The following CCDC91 variants were observed in gnomAD, a reference collection of about 807,000 sequenced individuals.
CCDC91 encodes the protein coiled-coil domain-containing protein 91.
A neutral mutation model predicts 63.2 loss-of-function variants in CCDC91; 48 were observed. That is an observed-to-expected ratio of 0.76 (90% CI 0.60 to 0.97). The LOEUF (loss-of-function observed/expected upper bound fraction) is 0.97. Among genes scored for constraint, CCDC91 ranks in the 50% least tolerant of loss-of-function variants. The pLI, the probability that CCDC91 is intolerant of heterozygous loss-of-function variation, is 0.00. For synonymous variants in CCDC91, 167 were observed against 165.8 expected, an observed-to-expected ratio of 1.01 and a Z score of -0.06; for missense variants, 500 against 494.6, an observed-to-expected ratio of 1.01 and a Z score of -0.10.
chr12:28,491,040 A>G lies in CCDC91; in HGVS notation c.1215+6875A>G, dbSNP rs566139993. 2.0e-5 allele frequency among the ~76,000 whole-genome samples: 3 copies of G among 151,960 alleles called. No homozygotes were observed. In the South Asian group the frequency reaches 6.2e-4, roughly 31 times the overall value. On this transcript the variant is annotated intron_variant, in intron 12 of 12. Coordinates refer to ENST00000536442, the MANE Select transcript of CCDC91 (RefSeq NM_018318.5). ...ACGTTTTAACTTAAAATCAAAATGT[A>G]AATTTATGTATGTACACATAAAAAC... is the stretch of plus-strand genomic sequence containing the variant.
chr12:28,521,366 C>G (rs1302550146), intron 12 of CCDC91, among the ~76,000 whole-genome samples: 1 of 152,008 alleles, frequency 6.6e-6, no homozygotes, highest in African/African-American at 2.4e-5. Flanking sequence ...TGATTTGGCT[C>G]TCTGTTTGTC....
chr12:28,267,487 A>C (rs1947266742), intron 3 of CCDC91, among the ~76,000 whole-genome samples: 1 of 150,454 alleles, frequency 6.6e-6, no homozygotes, highest in Non-Finnish European at 1.5e-5. Flanking sequence ...AGCTATTTTA[A>C]TTAGGATGAT....
chr12:28,271,165 A>G (rs182544669), intron 3 of CCDC91, among the ~76,000 whole-genome samples: 4 of 152,256 alleles, frequency 2.6e-5, no homozygotes, highest in Admixed American at 2.0e-4. Context: ...GCAAACGCCT[A>G]TGATGTTAAG....
At chr12:28,516,650 G>A (rs1939982183) in intron 12 of CCDC91, among the ~76,000 whole-genome samples, 1 of 151,836 alleles carries the variant, frequency 6.6e-6, no homozygotes, top group Non-Finnish European at 1.5e-5. Flanking sequence ...CAGTCTCACA[G>A]TTCTATTGGT....
intron 12 of CCDC91, among the ~76,000 whole-genome samples, chr12:28,506,861 A>T (rs557096814): frequency 3.5e-5 from 5 of 141,908 alleles, no homozygotes; most frequent in African/African-American, 1.3e-4. Context: ...CTTCAGGGGT[A>T]AAAAAAAAAA....
chr12:28,483,537 G>T (rs1343529595), intron 11 of CCDC91, among the ~76,000 whole-genome samples: 1 of 151,964 alleles, frequency 6.6e-6, no homozygotes, highest in Non-Finnish European at 1.5e-5. Flanking sequence ...TAGCACACTG[G>T]GTGGAATTTT....
chr12:28,504,106 T>G (rs1221800299), intron 12 of CCDC91, among the ~76,000 whole-genome samples: 1 of 146,374 alleles, frequency 6.8e-6, no homozygotes, highest in Non-Finnish European at 1.6e-5. Context: ...TAAATTAATT[T>G]AAAAAAGACT....
rs752030088 is a variant in CCDC91 at position 28,219,468 on chromosome 12, A to ATT, written c.-15+28847_-15+28848dup. ...CATAACAAAATTTACCAGTGTAACCATTTTTTTTTTTTTTTTTTTTTGAGA... is the reference window on the plus strand; with the variant it reads ...CATAACAAAATTTACCAGTGTAACCATTTTTTTTTTTTTTTTTTTTTTTGAGA... On this transcript the variant is annotated intron_variant, in intron 1 of 12. Transcript: ENST00000536442. Among the ~76,000 whole-genome samples, 402 of 121,600 alleles carry ATT rather than the reference A, an allele frequency of 3.3e-3. 10 individuals are homozygous for ATT. The highest frequency in any genetic ancestry group is 0.01 in the African/African-American group (306 of 30,164). The allele number at this position is 121,600 out of a possible 152,430, so 79.8% of individuals were successfully genotyped here. A position where few individuals can be genotyped will look rare whatever the true frequency, so the allele number is the denominator to read the frequency against.
rs151225127 is a variant in CCDC91 at position 28,279,991 on chromosome 12, T to C, written c.109+20549T>C. Among the ~76,000 whole-genome samples the C allele has an allele frequency of 3.3e-3, 500 of 152,260 alleles. 3 individuals are homozygous for C. Among genetic ancestry groups the C allele is most frequent in the African/African-American group, 9.8e-3 (407 of 41,558 alleles). ...ATATAGCTCATATTTATCTGCCTCC[T>C]TCATTTGAGTAGTTGAGAATATAAA... On this transcript the variant is annotated intron_variant, in intron 3 of 12. Coordinates refer to ENST00000536442, the MANE Select transcript of CCDC91 (RefSeq NM_018318.5).
rs1397177225 is a variant in CCDC91 at position 28,441,080 on chromosome 12, AAAAAG to A, written c.763-9071_763-9067del. ...CTCAAAAAAAAAAAAAAAAAAAAAA[AAAAAG>A]AAAAGAAAAAGAAAGAACTTAGAAA... On this transcript the variant is annotated intron_variant, in intron 8 of 12. Coordinates refer to ENST00000536442, the MANE Select transcript of CCDC91 (RefSeq NM_018318.5). Among the ~76,000 whole-genome samples the A allele has an allele frequency of 2.0e-4, 8 of 39,392 alleles. 1 individual carries two copies. The highest frequency in any genetic ancestry group is 3.5e-4 in the Non-Finnish European group (8 of 23,010). The allele number at this position is 39,392 out of a possible 152,430, so 25.8% of individuals were successfully genotyped here.
At chr12:28,341,899 T>C (rs898475873) in intron 6 of CCDC91, among the ~76,000 whole-genome samples, 3 of 152,196 alleles carry the variant, frequency 2.0e-5, no homozygotes, top group African/African-American at 4.8e-5. Flanking sequence ...GACTGTTGTG[T>C]AGATGTATTA....
chr12:28,355,211 TCTGAATCTGATGCTAATAAA>T (rs1325654756), intron 6 of CCDC91, among the ~76,000 whole-genome samples: 2 of 152,158 alleles, frequency 1.3e-5, no homozygotes, highest in African/African-American at 2.4e-5. Context: ...TAAATAATGA[TCTGAATCTGATGCTAATAAA>T]CTGAATCTGA....
At chr12:28,410,877 T>C (rs1234702181) in intron 8 of CCDC91, among the ~76,000 whole-genome samples, 1 of 152,188 alleles carries the variant, frequency 6.6e-6, no homozygotes, top group Non-Finnish European at 1.5e-5. Context: ...GTTTTTTCAT[T>C]TTAAATGTAT....
At chr12:28,239,355 T>G (rs1214668106) in intron 1 of CCDC91, among the ~76,000 whole-genome samples, 1 of 152,032 alleles carries the variant, frequency 6.6e-6, no homozygotes, top group Admixed American at 6.6e-5. Context: ...ATTTATGCTT[T>G]AAAGTTAAAA....
chr12:28,466,482 T>A (rs928066710), intron 11 of CCDC91, among the ~76,000 whole-genome samples: 4 of 152,016 alleles, frequency 2.6e-5, no homozygotes, highest in Non-Finnish European at 5.9e-5. Flanking sequence ...AATAAGCAAA[T>A]AACATATAAT....
intron 6 of CCDC91, among the ~76,000 whole-genome samples, chr12:28,331,689 ATATAGTAAGCATGC>A (rs1027461344): frequency 6.6e-5 from 10 of 152,176 alleles, no homozygotes; most frequent in Non-Finnish European, 7.4e-5. Context: ...TTTAGTAAGC[ATATAGTAAGCATGC>A]TTTAGTAAGC....
chr12:28,379,794 C>T (rs11049565), intron 7 of CCDC91, among the ~76,000 whole-genome samples: 25,834 of 152,102 alleles, frequency 0.17, 3,213 homozygotes, highest in East Asian at 0.55. Context: ...CCTAGCAATC[C>T]CATTACTGGG....
At chr12:28,467,608 G>T (rs1950608473) in intron 11 of CCDC91, among the ~76,000 whole-genome samples, 1 of 152,010 alleles carries the variant, frequency 6.6e-6, no homozygotes, top group African/African-American at 2.4e-5. Flanking sequence ...AAAGCAAATG[G>T]ATCTAATAGG....
intron 12 of CCDC91, among the ~76,000 whole-genome samples, chr12:28,520,763 G>A (rs1030926325): frequency 2.0e-5 from 3 of 152,150 alleles, no homozygotes; most frequent in Non-Finnish European, 4.4e-5. Flanking sequence ...GTGTAAGGAA[G>A]GGATCCAGTT....
Sources: gnomAD v4.1 joint callset for allele counts (sites outside exome capture counted in the v4.1 genomes callset) on GRCh38, gnomAD v4.1.1 for gene constraint, MANE v1.5 for transcripts, NCBI Gene and HGNC (gene_info 2026-07-23, HGNC 2026-07-21) for gene names.